Variants in LRP6 observed in about 807,000 individuals in gnomAD.
LRP6 encodes LDL receptor related protein 6.
Under a neutral mutation model 184.1 loss-of-function variants are expected in LRP6, and 43 were observed. That is an observed-to-expected ratio of 0.23 (90% CI 0.18 to 0.30). The LOEUF (loss-of-function observed/expected upper bound fraction) is 0.30. Ranked by LOEUF, LRP6 falls within the 10% of genes least tolerant of loss-of-function variation. The probability of loss-of-function intolerance (pLI) is 1.00; values close to 1 mark genes in which losing one functional copy is unlikely to be tolerated. For missense variants in LRP6, 1,571 were observed against 2,005.3 expected (o/e 0.78, Z 4.14); for synonymous variants, 719 against 684.9 (o/e 1.05, Z -0.78).
intron 2 of LRP6, among the ~76,000 whole-genome samples, chr12:12,238,048 C>T (rs912588190): frequency 6.6e-5 from 10 of 152,140 alleles, no homozygotes; most frequent in African/African-American, 2.4e-4. Flanking sequence ...TCTAAAATTA[C>T]TGATATACTG....
At chr12:12,164,198 C>A (rs1204712413) in intron 9 of LRP6, 75 bp downstream of exon 9, 1 of 1,363,360 alleles carries the variant, frequency 7.3e-7, no homozygotes, top group Admixed American at 1.7e-5. Context: ...AGGTGGGTCA[C>A]AGCATGAAGA....
intron 3 of LRP6, among the ~76,000 whole-genome samples, chr12:12,201,744 G>C (rs962056044): frequency 2.6e-5 from 4 of 152,082 alleles, no homozygotes; most frequent in Non-Finnish European, 4.4e-5. Context: ...CCCCCTCACA[G>C]CCAGATTTGA....
chr12:12,259,181 T>C (rs915746407), intron 1 of LRP6, among the ~76,000 whole-genome samples: 2 of 149,654 alleles, frequency 1.3e-5, no homozygotes, highest in Non-Finnish European at 1.5e-5. Flanking sequence ...GAGAATCACT[T>C]GAACCCAGGA....
At chr12:12,222,018 T>C (rs961268619) in intron 2 of LRP6, among the ~76,000 whole-genome samples, 16 of 152,170 alleles carry the variant, frequency 1.1e-4, no homozygotes, top group African/African-American at 3.9e-4. Flanking sequence ...CAAGACCATA[T>C]AGGGGAACAA....
At chr12:12,145,923 C>T (rs1044532959) in intron 15 of LRP6, among the ~76,000 whole-genome samples, 8 of 152,212 alleles carry the variant, frequency 5.3e-5, no homozygotes, top group African/African-American at 9.6e-5. Flanking sequence ...TGAGCCACCA[C>T]ACCTGGCCTG....
In LRP6 at chr12:12,183,249, T is replaced by C. The variant is rs564620955; in HGVS notation, c.976+731A>G. On this transcript the variant is annotated intron_variant, in intron 5 of 22. Coordinates refer to ENST00000261349, the MANE Select transcript of LRP6 (RefSeq NM_002336.3). The stretch of plus-strand genomic sequence containing the variant: ...AAGAAGCCACAGCTAAATACAACAA[T>C]TTTCTTACCAGGTCTTGCTGGTTGC... Among the ~76,000 whole-genome samples the C allele has an allele frequency of 5.3e-5, 8 of 152,146 alleles. No individual in the cohort carries two copies. In the South Asian group the frequency reaches 1.7e-3, roughly 32 times the overall value.
At position 12,151,031 on chromosome 12, in the gene LRP6, C is replaced by T. The variant is rs1031034679; in HGVS notation, c.2799G>A (p.Thr933=). 5 of 1,613,640 alleles carry T rather than the reference C, an allele frequency of 3.1e-6. No homozygotes were observed. The highest frequency in any genetic ancestry group is 2.2e-5 in the East Asian group (1 of 44,884). ...TCTTTTGACTGAAGAGCAGGAAAGT[C>T]GTAGGAGCTTAAAAGGAAGAAAAGA... ...NADNRTCSAP[T]TFLLFSQKSA... is the part of the protein sequence containing the mutation. The change falls in exon 13 of 23, where the codon ACG becomes ACA. Residue 933 remains threonine, a synonymous_variant. Coordinates refer to ENST00000261349, the MANE Select transcript of LRP6 (RefSeq NM_002336.3).
intron 2 of LRP6, among the ~76,000 whole-genome samples, chr12:12,231,627 G>A (rs1222221133): frequency 2.6e-5 from 4 of 151,936 alleles, no homozygotes; most frequent in African/African-American, 9.7e-5. Flanking sequence ...AACTAAGCCG[G>A]GCACAGTGGC....
chr12:12,216,443 TGAGAA>T (rs1864346372), intron 2 of LRP6, among the ~76,000 whole-genome samples: 1 of 152,110 alleles, frequency 6.6e-6, no homozygotes, highest in Non-Finnish European at 1.5e-5. Context: ...AAATAGTATT[TGAGAA>T]GAGAAGACAA....
intron 12 of LRP6, among the ~76,000 whole-genome samples, chr12:12,158,115 T>C (rs1283002077): frequency 6.6e-6 from 1 of 152,246 alleles, no homozygotes; most frequent in Non-Finnish European, 1.5e-5. Context: ...CTGGGTTACA[T>C]GTTCTCATAC....
intron 19 of LRP6, among the ~76,000 whole-genome samples, chr12:12,127,811 C>T (rs1165532567): frequency 1.3e-5 from 2 of 152,176 alleles, no homozygotes; most frequent in African/African-American, 4.8e-5. Flanking sequence ...CTTCATCTTA[C>T]CTCAAATCTC....
chr12:12,140,340 T>C (rs1949911185), intron 15 of LRP6, among the ~76,000 whole-genome samples: 1 of 152,110 alleles, frequency 6.6e-6, no homozygotes, highest in African/African-American at 2.4e-5. Flanking sequence ...GAGACAAATT[T>C]GAGAAGCTCT....
intron 2 of LRP6, among the ~76,000 whole-genome samples, chr12:12,225,119 C>T (rs145053907): frequency 2.0e-5 from 3 of 152,202 alleles, no homozygotes; most frequent in East Asian, 1.9e-4. Flanking sequence ...GCAGGCGAAT[C>T]GCTTGAACCC....
chr12:12,174,053 C>T (rs533369805), intron 7 of LRP6, among the ~76,000 whole-genome samples: 1 of 151,796 alleles, frequency 6.6e-6, no homozygotes, highest in African/African-American at 2.4e-5. Context: ...CACAAATGGG[C>T]AAATATTTAG....
chr12:12,149,488 C>A (rs11054709), intron 13 of LRP6, among the ~76,000 whole-genome samples: 11,316 of 152,214 alleles, frequency 0.074, 495 homozygotes, highest in Admixed American at 0.11. Flanking sequence ...AAACCACACC[C>A]TAGAAATATC....
At chr12:12,170,227 C>T (rs757096101) in intron 7 of LRP6, among the ~76,000 whole-genome samples, 1 of 151,918 alleles carries the variant, frequency 6.6e-6, no homozygotes, top group Non-Finnish European at 1.5e-5. Context: ...CCCAGCTAGT[C>T]GGTAGGCTGA....
intron 2 of LRP6, among the ~76,000 whole-genome samples, chr12:12,206,529 C>CGAGA (rs1377715595): frequency 1.6e-5 from 2 of 126,284 alleles, no homozygotes; most frequent in Non-Finnish European, 3.2e-5. Context: ...GGCAACAGAG[C>CGAGA]GAGACTCCAT....
intron 3 of LRP6, among the ~76,000 whole-genome samples, chr12:12,190,231 C>T (rs1863577044): frequency 1.3e-5 from 2 of 152,114 alleles, no homozygotes; most frequent in Admixed American, 1.3e-4. Flanking sequence ...GCTGAGATTA[C>T]CAAGTAAGCC....
At position 12,206,771 on chromosome 12, in the gene LRP6, A is replaced by G. The variant is rs115286741; in HGVS notation, c.450-3371T>C. Among the ~76,000 whole-genome samples, 1,166 of 152,024 alleles carry G rather than the reference A, an allele frequency of 7.7e-3. 12 individuals are homozygous for G. Among genetic ancestry groups the G allele is most frequent in the African/African-American group, 0.027 (1,121 of 41,484 alleles). The stretch of plus-strand genomic sequence containing the variant: ...TTTTAAAATGAAAAAATAATAATAA[A>G]ATAAAATTGGAGGTGAAATGACTGG... On this transcript the variant is annotated intron_variant, in intron 2 of 22. Transcript: ENST00000261349.
Sources: gnomAD v4.1 joint callset for allele counts (sites outside exome capture counted in the v4.1 genomes callset) on GRCh38, gnomAD v4.1.1 for gene constraint, MANE v1.5 for transcripts, NCBI Gene and HGNC (gene_info 2026-07-23, HGNC 2026-07-21) for gene names.